The following GLIS3 variants were observed in gnomAD, a reference collection of about 807,000 sequenced individuals.
The protein encoded by GLIS3 is GLIS family zinc finger 3.
GLIS3 carries 53 observed loss-of-function variants against 78.6 expected under a neutral mutation model. The ratio of observed to expected loss-of-function variants is 0.67; its 90% CI spans 0.54 to 0.85. The LOEUF is 0.85. Ranked by LOEUF, GLIS3 falls within the 40% of genes least tolerant of loss-of-function variation. GLIS3 has a pLI of 0.00. For synonymous variants in GLIS3, 684 were observed against 509.9 expected (o/e 1.34, Z -4.60); for missense variants, 1,703 against 1,231.1 (o/e 1.38, Z -5.74).
intron 2 of GLIS3, among the ~76,000 whole-genome samples, chr9:4,240,581 T>G (rs1331511257): frequency 6.6e-6 from 1 of 152,200 alleles, no homozygotes; most frequent in Non-Finnish European, 1.5e-5. Flanking sequence ...GTACTAATAT[T>G]ACACTTTATC....
intron 2 of GLIS3, among the ~76,000 whole-genome samples, chr9:4,201,628 G>A (rs1163673569): frequency 6.6e-6 from 1 of 151,868 alleles, no homozygotes; most frequent in East Asian, 1.9e-4. Flanking sequence ...AGCTAACCAG[G>A]GAGCTAAAAA....
intron 2 of GLIS3, among the ~76,000 whole-genome samples, chr9:4,146,209 C>G (rs144928239): frequency 1.2e-4 from 18 of 152,202 alleles, no homozygotes; most frequent in African/African-American, 4.3e-4. Flanking sequence ...TGCACCAGAA[C>G]TTTATGGATT....
intron 4 of GLIS3, among the ~76,000 whole-genome samples, chr9:4,087,580 G>C (rs190148000): frequency 1.3e-5 from 2 of 152,140 alleles, no homozygotes; most frequent in African/African-American, 2.4e-5. Flanking sequence ...AAAAAGTACA[G>C]GATGTGGGCT....
At chr9:4,028,954 G>A (rs1464539601) in intron 4 of GLIS3, among the ~76,000 whole-genome samples, 1 of 152,072 alleles carries the variant, frequency 6.6e-6, no homozygotes, top group Non-Finnish European at 1.5e-5. Context: ...ACATTCAGGT[G>A]GTAAGATACA....
intron 1 of GLIS3, chr9:4,348,129 A>C (rs1016682178): frequency 6.6e-6 from 1 of 152,276 alleles, no homozygotes; most frequent in African/African-American, 2.4e-5. Flanking sequence ...AGCATAACTT[A>C]TAACAGCAAA....
intron 2 of GLIS3, among the ~76,000 whole-genome samples, chr9:4,173,302 G>C (rs1388100357): frequency 6.6e-6 from 1 of 152,088 alleles, no homozygotes; most frequent in African/African-American, 2.4e-5. Flanking sequence ...TTCGAGCTCA[G>C]CAATTATGCT....
rs1222269761 is a variant in GLIS3 at position 4,054,591 on chromosome 9, T to A, written c.1710+63177A>T. ...TCACACCAGTCACAAAGCTGCCTCC[T>A]TGACATTCAGAGCTTAAAGATCTAA... On this transcript the variant is annotated intron_variant, in intron 4 of 10. Coordinates refer to ENST00000381971, the MANE Select transcript of GLIS3 (RefSeq NM_001042413.2). 5.7e-6 allele frequency: 3 copies of A among 527,960 alleles called. No homozygotes were observed. The East Asian group carries it at 4.4e-4, about 78-fold the overall frequency. The allele number at this position is 527,960 out of a possible 1,614,324, so 32.7% of individuals were successfully genotyped here. A position where few individuals can be genotyped will look rare whatever the true frequency, so the allele number is the denominator to read the frequency against.
the GLIS3 span, among the ~76,000 whole-genome samples, chr9:4,397,027 T>TTTC: frequency 0.04 from 4,899 of 121,208 alleles, 324 homozygotes; most frequent in African/African-American, 0.13. Context: ...TTTTTTTCTT[T>TTTC]TTTTTTTTTT....
the GLIS3 span, among the ~76,000 whole-genome samples, chr9:4,486,998 C>G: frequency 6.6e-6 from 1 of 152,088 alleles, no homozygotes; most frequent in Non-Finnish European, 1.5e-5. Flanking sequence ...ACTCCCGGCT[C>G]TATGGTAGAC....
rs539878425 is a variant in GLIS3, at chr9:4,291,533, T to G, written c.-98-5010A>C. The stretch of plus-strand genomic sequence containing the variant: ...AAGGACTGGCCATGTCACTTTAAAT[T>G]TAAATTAATGGCTATGACATTCAAA... On this transcript the variant is annotated intron_variant, in intron 1 of 10. Transcript: ENST00000381971. Among the ~76,000 whole-genome samples, 8 of 152,214 alleles carry G rather than the reference T, an allele frequency of 5.3e-5. No individual in the cohort carries two copies. The South Asian group carries it at 1.7e-3, about 32-fold the overall frequency.
intron 4 of GLIS3, among the ~76,000 whole-genome samples, chr9:4,066,521 T>G (rs1466913313): frequency 6.6e-6 from 1 of 152,206 alleles, no homozygotes; most frequent in African/African-American, 2.4e-5. Context: ...CCTACTACTC[T>G]AGGCTGCTGG....
intron 4 of GLIS3, among the ~76,000 whole-genome samples, chr9:4,096,695 G>C (rs1217525636): frequency 6.6e-6 from 1 of 152,112 alleles, no homozygotes; most frequent in Non-Finnish European, 1.5e-5. Context: ...TAGAAATGAA[G>C]GGGGCGGAGA....
chr9:4,346,356 A>T (rs1587397338), intron 2 of GLIS3, among the ~76,000 whole-genome samples: 1 of 151,324 alleles, frequency 6.6e-6, no homozygotes, highest in East Asian at 1.9e-4. Context: ...TTGACAGTCA[A>T]AGCAGAGCGA....
intron 4 of GLIS3, among the ~76,000 whole-genome samples, chr9:4,008,953 A>G (rs1379807623): frequency 1.3e-5 from 2 of 152,094 alleles, no homozygotes; most frequent in African/African-American, 4.8e-5. Flanking sequence ...TCTTTCCACT[A>G]CAGCATGTGT....
intron 8 of GLIS3, among the ~76,000 whole-genome samples, chr9:3,878,969 A>T (rs960067144): frequency 6.6e-6 from 1 of 151,944 alleles, no homozygotes; most frequent in African/African-American, 2.4e-5. Flanking sequence ...TTGTTTAAAA[A>T]ATTTCTCCCA....
At chr9:4,106,399 T>C (rs2098535116) in intron 4 of GLIS3, among the ~76,000 whole-genome samples, 1 of 152,216 alleles carries the variant, frequency 6.6e-6, no homozygotes, top group African/African-American at 2.4e-5. Flanking sequence ...GAAGGGCGAA[T>C]GCCGGTAGAA....
chr9:4,328,526 C>A (rs1051481002), intron 2 of GLIS3, among the ~76,000 whole-genome samples: 1 of 152,226 alleles, frequency 6.6e-6, no homozygotes, highest in African/African-American at 2.4e-5. Flanking sequence ...GACAGATCAG[C>A]CCCTCCATAA....
At chr9:4,140,899 A>G (rs925086779) in intron 2 of GLIS3, among the ~76,000 whole-genome samples, 2 of 151,752 alleles carry the variant, frequency 1.3e-5, no homozygotes, top group African/African-American at 4.8e-5. Context: ...CCTGGGTTCA[A>G]GCGATTCTCC....
chr9:4,223,611 A>G (rs1160220983), intron 2 of GLIS3, among the ~76,000 whole-genome samples: 1 of 152,202 alleles, frequency 6.6e-6, no homozygotes, highest in Non-Finnish European at 1.5e-5. Context: ...CCACGTGAAC[A>G]ACCACTACTC....
Sources: allele counts gnomAD v4.1 joint callset (sites outside exome capture counted in the v4.1 genomes callset), GRCh38; gene constraint gnomAD v4.1.1; transcripts MANE v1.5; gene names NCBI Gene and HGNC (gene_info 2026-07-23, HGNC 2026-07-21).